The following KCNN2 variants were observed in gnomAD, a reference collection of about 807,000 sequenced individuals.
The protein encoded by KCNN2 is small conductance calcium-activated potassium channel protein 2.
A neutral mutation model predicts 55.5 loss-of-function variants in KCNN2; 24 were observed. The ratio of observed to expected loss-of-function variants is 0.43; its 90% confidence interval spans 0.31 to 0.61. The LOEUF (loss-of-function observed/expected upper bound fraction) is 0.61. KCNN2 is among the 20% of genes least tolerant of loss of function. KCNN2 has a pLI of 0.08. For missense variants in KCNN2, 754 were observed against 853.6 expected (o/e 0.88, Z 1.45); for synonymous variants, 431 against 336.1 (o/e 1.28, Z -3.09).
intron 2 of KCNN2, among the ~76,000 whole-genome samples, chr5:114,403,573 C>T (rs1758847775): frequency 6.6e-6 from 1 of 152,200 alleles, no homozygotes; most frequent in Non-Finnish European, 1.5e-5. Context: ...AAAGCCATCA[C>T]ACATTTCCAA....
intron 2 of KCNN2, among the ~76,000 whole-genome samples, chr5:114,285,048 TGA>T (rs1755708995): frequency 1.3e-5 from 2 of 151,284 alleles, no homozygotes; most frequent in South Asian, 4.2e-4. Flanking sequence ...TTTGGGAGGC[TGA>T]GGCGGGCGGA....
At chr5:114,395,851 G>A (rs1475712185) in intron 2 of KCNN2, among the ~76,000 whole-genome samples, 5 of 151,918 alleles carry the variant, frequency 3.3e-5, no homozygotes, top group East Asian at 1.9e-4. Flanking sequence ...AATGCCCTCC[G>A]CATTTGGGCT....
At position 114,473,215 on chromosome 5, in the gene KCNN2, A is replaced by G. The variant is rs765593795; in HGVS notation, c.1890+51A>G. Reference sequence around the variant, plus strand: ...AAGAGAATATTATTGTGATTTTTTCAGTGTTAGGAAATATGGTTTTTATTT... The same window carrying G: ...AAGAGAATATTATTGTGATTTTTTCGGTGTTAGGAAATATGGTTTTTATTT... On this transcript the variant is annotated intron_variant, in intron 5 of 7. Coordinates refer to ENST00000673685, the MANE Select transcript of KCNN2 (RefSeq NM_021614.4). 3.4e-6 allele frequency: 4 copies of G among 1,185,620 alleles called. No individual in the cohort carries two copies. In the South Asian group the frequency reaches 5.2e-5, roughly 15 times the overall value. The allele number at this position is 1,185,620 out of a possible 1,614,324, so 73.4% of individuals were successfully genotyped here.
intron 2 of KCNN2, among the ~76,000 whole-genome samples, chr5:114,307,391 G>A (rs918207726): frequency 6.6e-6 from 1 of 152,158 alleles, no homozygotes. Flanking sequence ...TCCTAGTAAT[G>A]CTAGGTCCTG....
chr5:114,177,873 C>T (rs1056480981), intron 1 of KCNN2, among the ~76,000 whole-genome samples: 2 of 152,062 alleles, frequency 1.3e-5, no homozygotes, highest in African/African-American at 4.8e-5. Context: ...ATCAATTAGA[C>T]ATCGGATTAA....
At chr5:114,199,459 A>T (rs920106827) in intron 1 of KCNN2, among the ~76,000 whole-genome samples, 1 of 152,022 alleles carries the variant, frequency 6.6e-6, no homozygotes, top group Non-Finnish European at 1.5e-5. Context: ...CTGTCATATT[A>T]TTGATTGTTT....
chr5:114,134,711 G>T (rs1461906933), intron 1 of KCNN2, among the ~76,000 whole-genome samples: 1 of 151,908 alleles, frequency 6.6e-6, no homozygotes, highest in East Asian at 1.9e-4. Context: ...TCCTGACCTC[G>T]TGATCCATCC....
intron 4 of KCNN2, among the ~76,000 whole-genome samples, chr5:114,469,696 G>C (rs1249715813): frequency 1.3e-5 from 2 of 152,080 alleles, no homozygotes; most frequent in African/African-American, 4.8e-5. Flanking sequence ...ATAGACACTG[G>C]GTGGACAATA....
chr5:114,247,031 C>T (rs756850025), intron 2 of KCNN2, among the ~76,000 whole-genome samples: 16 of 150,780 alleles, frequency 1.1e-4, no homozygotes, highest in Non-Finnish European at 1.8e-4. Flanking sequence ...GACCTGGGGC[C>T]GGGCACTCAC....
rs546001345 is a variant in KCNN2, at chr5:114,278,756, C to T, written c.-185+57191C>T. On this transcript the variant is annotated intron_variant, in intron 2 of 10. Coordinates refer to the KCNN2 transcript ENST00000512097. ...AGTATTTGGGCAGGAGTGTACCGCT[C>T]CTCCAGGTACAGTCACTCACAGCTT... 3.9e-5 allele frequency among the ~76,000 whole-genome samples: 6 copies of T among 152,296 alleles called. 1 individual carries two copies. The East Asian group carries it at 5.8e-4, about 15-fold the overall frequency.
intron 1 of KCNN2, among the ~76,000 whole-genome samples, chr5:114,113,608 G>T (rs939501682): frequency 1.3e-5 from 2 of 152,194 alleles, no homozygotes; most frequent in Middle Eastern, 3.4e-3. Flanking sequence ...ATAGGCCTGA[G>T]AATTTATGTA....
chr5:114,118,956 A>G, intron 1 of KCNN2, among the ~76,000 whole-genome samples: 1 of 152,098 alleles, frequency 6.6e-6, no homozygotes, highest in East Asian at 1.9e-4. Context: ...CTGGGCCTTG[A>G]TCCCAGTGCC....
chr5:114,463,064 G>A lies in KCNN2; in HGVS notation c.1653G>A (p.Gln551=), dbSNP rs1761280950. 1.2e-6 allele frequency: 2 copies of A among 1,613,106 alleles called. No homozygotes were observed. Among genetic ancestry groups the A allele is most frequent in the African/African-American group, 1.3e-5 (1 of 74,896 alleles). ...TGTTTTTCAGGTACCATGATCAACA[G>A]GATGTTACTAGCAACTTCCTTGGAG... is the stretch of plus-strand genomic sequence containing the variant. ...VRACERYHDQ[Q]DVTSNFLGAM... is the part of the protein sequence containing the mutation. The change falls in exon 4 of 8, where the codon CAG becomes CAA. Residue 551 remains glutamine (Q), a synonymous_variant. Transcript: ENST00000673685.
intron 1 of KCNN2, among the ~76,000 whole-genome samples, chr5:114,069,503 C>T (rs13189068): frequency 0.15 from 22,725 of 152,034 alleles, 1,840 homozygotes; most frequent in Middle Eastern, 0.21. Flanking sequence ...ATTTGGGGCT[C>T]AGGATATTTT....
chr5:114,057,576 A>G (rs1750238492), intron 1 of KCNN2, among the ~76,000 whole-genome samples: 1 of 152,226 alleles, frequency 6.6e-6, no homozygotes, highest in African/African-American at 2.4e-5. Context: ...AGATCCTTGG[A>G]GCTTGTATTT....
intron 3 of KCNN2, among the ~76,000 whole-genome samples, chr5:114,416,811 A>G (rs775980216): frequency 1.1e-4 from 16 of 152,218 alleles, no homozygotes; most frequent in Non-Finnish European, 2.4e-4. Flanking sequence ...AACTTCATAT[A>G]AAACCTCATG....
At position 114,496,344 on chromosome 5, in the gene KCNN2, CTCTT is replaced by C; in HGVS notation, c.*164_*167del. ...AGTTTTAGGCCAAAATGAGTGAAAA[CTCTT>C]TTTTTTTCTTTCAGATGCACAGGGA... On this transcript the variant is annotated 3_prime_UTR_variant, in exon 8 of 8. Coordinates refer to ENST00000673685, the MANE Select transcript of KCNN2 (RefSeq NM_021614.4). The C allele has an allele frequency of 1.4e-6, 1 of 706,188 alleles. No homozygotes were observed. The highest frequency in any genetic ancestry group is 2.3e-6 in the Non-Finnish European group (1 of 440,612). 43.7% of individuals were successfully genotyped at this position (706,188 alleles called of 1,614,324 possible). A position where few individuals can be genotyped will look rare whatever the true frequency, so the allele number is the denominator to read the frequency against.
intron 2 of KCNN2, among the ~76,000 whole-genome samples, chr5:114,388,153 G>A (rs1758342924): frequency 6.6e-6 from 1 of 152,092 alleles, no homozygotes; most frequent in Non-Finnish European, 1.5e-5. Context: ...GTATAGTTTG[G>A]TTCATTTACA....
intron 3 of KCNN2, among the ~76,000 whole-genome samples, chr5:114,418,046 G>T (rs541577464): frequency 1.3e-5 from 2 of 152,198 alleles, no homozygotes; most frequent in Middle Eastern, 3.4e-3. Flanking sequence ...AACAATAGAA[G>T]AATGATAATT....
Sources: gnomAD v4.1 joint callset for allele counts (sites outside exome capture counted in the v4.1 genomes callset) on GRCh38, gnomAD v4.1.1 for gene constraint, MANE v1.5 for transcripts, NCBI Gene and HGNC (gene_info 2026-07-23, HGNC 2026-07-21) for gene names.